CD163L1: variants seen among roughly 807,000 people sequenced by gnomAD.
CD163L1 encodes scavenger receptor cysteine-rich type 1 protein M160.
Under a neutral mutation model 165.4 loss-of-function variants are expected in CD163L1, and 124 were observed. The observed-to-expected ratio is 0.75, with a 90% CI of 0.65 to 0.87. The LOEUF is 0.87. Ranked by LOEUF, CD163L1 falls within the 40% of genes least tolerant of loss-of-function variation. The pLI is 0.00. For missense variants in CD163L1, 1,525 were observed against 1,799.9 expected (o/e 0.85, Z 2.76); for synonymous variants, 585 against 662.2 (o/e 0.88, Z 1.79).
At chr12:7,416,112 A>G (rs997326597) in intron 4 of CD163L1, among the ~76,000 whole-genome samples, 5 of 152,180 alleles carry the variant, frequency 3.3e-5, no homozygotes, top group Admixed American at 1.3e-4. Flanking sequence ...TTTAATGATC[A>G]ACATTCTAAC....
intron 14 of CD163L1, among the ~76,000 whole-genome samples, chr12:7,370,452 T>C (rs1476927800): frequency 6.6e-6 from 1 of 152,192 alleles, no homozygotes; most frequent in African/African-American, 2.4e-5. Context: ...ACCAACCACA[T>C]GAAGACCAAA....
chr12:7,342,001 A>G (rs1468364163), downstream of CD163L1, among the ~76,000 whole-genome samples: 4 of 152,240 alleles, frequency 2.6e-5, no homozygotes, highest in Admixed American at 2.6e-4. Context: ...ATCTCACACT[A>G]TATGACTCAG....
chr12:7,394,090 C>CA (rs911766424), intron 8 of CD163L1, among the ~76,000 whole-genome samples: 47 of 133,168 alleles, frequency 3.5e-4, no homozygotes, highest in Middle Eastern at 3.6e-3. Flanking sequence ...CGTATGGAAC[C>CA]AAAAAAAAAC....
At chr12:7,337,807 C>T in the CD163L1 span, among the ~76,000 whole-genome samples, 1 of 152,108 alleles carries the variant, frequency 6.6e-6, no homozygotes, top group African/African-American at 2.4e-5. Flanking sequence ...TCCAGCAATC[C>T]CATTATTGGG....
intron 18 of CD163L1, 63 bp from the exon 19 acceptor site, chr12:7,357,549 T>A: frequency 7.2e-7 from 1 of 1,379,898 alleles, no homozygotes; most frequent in Non-Finnish European, 1.0e-6. Flanking sequence ...AGGGAAGAGC[T>A]GTTAAGTGCA....
At chr12:7,322,556 C>A in the CD163L1 span, 6 of 1,607,846 alleles carry the variant, frequency 3.7e-6, no homozygotes, top group East Asian at 1.3e-4. Context: ...ATCTAAAGGG[C>A]ATTTATGTTT....
chr12:7,388,917 G>A (rs1270391745), intron 8 of CD163L1, among the ~76,000 whole-genome samples: 2 of 152,164 alleles, frequency 1.3e-5, no homozygotes, highest in African/African-American at 4.8e-5. Flanking sequence ...ATACCTCCAT[G>A]TTGTTGCAAA....
At chr12:7,322,927 G>A in the CD163L1 span, among the ~76,000 whole-genome samples, 2 of 152,070 alleles carry the variant, frequency 1.3e-5, no homozygotes, top group Non-Finnish European at 2.9e-5. Flanking sequence ...CTCAAACCAA[G>A]CAACATCAAC....
chr12:7,333,081 G>A, the CD163L1 span, among the ~76,000 whole-genome samples: 6 of 151,506 alleles, frequency 4.0e-5, no homozygotes, highest in Non-Finnish European at 8.9e-5. Context: ...CATCTCACCT[G>A]TTAACAGAAA....
chr12:7,370,951 G>A (rs947116102), intron 14 of CD163L1, among the ~76,000 whole-genome samples: 1 of 152,146 alleles, frequency 6.6e-6, no homozygotes, highest in African/African-American at 2.4e-5. Context: ...ATTCCCACGT[G>A]TTGTGGGGGG....
At chr12:7,331,504 C>A in the CD163L1 span, among the ~76,000 whole-genome samples, 1 of 152,186 alleles carries the variant, frequency 6.6e-6, no homozygotes, top group Non-Finnish European at 1.5e-5. Flanking sequence ...GTCCCTGACC[C>A]CTGAGTAGCC....
chr12:7,354,210 T>G (rs780415382), downstream of CD163L1, among the ~76,000 whole-genome samples: 2 of 152,090 alleles, frequency 1.3e-5, no homozygotes, highest in Admixed American at 6.6e-5. Flanking sequence ...TTCTTTTTTT[T>G]GTTTGTTTTA....
chr12:7,319,647 C>T, the CD163L1 span, among the ~76,000 whole-genome samples: 3 of 151,730 alleles, frequency 2.0e-5, no homozygotes, highest in African/African-American at 7.3e-5. Flanking sequence ...TGCCCCGCCA[C>T]TCACCTCCTG....
chr12:7,357,347 T>C (rs781381541), intron 19 of CD163L1, 33 bp downstream of exon 19: 2 of 1,376,608 alleles, frequency 1.5e-6, no homozygotes, highest in South Asian at 1.2e-5. Context: ...ATTAAATTAC[T>C]AGTTTTAGTA....
At chr12:7,413,684 G>A (rs1948182163) in intron 4 of CD163L1, among the ~76,000 whole-genome samples, 1 of 152,234 alleles carries the variant, frequency 6.6e-6, no homozygotes, top group South Asian at 2.1e-4. Context: ...GCACATGCAA[G>A]ATCCTCAGAC....
Position 7,399,155 on chromosome 12 carries a change from CCTT to C in CD163L1, c.1409-574_1409-572del, listed in dbSNP as rs1402791339. 3.3e-5 allele frequency among the ~76,000 whole-genome samples: 5 copies of C among 151,572 alleles called. 1 individual carries two copies. Among genetic ancestry groups the C allele is most frequent in the Non-Finnish European group, 7.4e-5 (5 of 67,870 alleles). On this transcript the variant is annotated intron_variant, in intron 6 of 19. Coordinates refer to ENST00000313599, the MANE Select transcript of CD163L1 (RefSeq NM_174941.6). ...TATTTCCTTCCTTTCTTCCTTCCTT[CCTT>C]CTTTCCTTCCTTCCGCCCTCCCTCT...
At chr12:7,437,157 T>C (rs965269279) in intron 2 of CD163L1, among the ~76,000 whole-genome samples, 3 of 69,384 alleles carry the variant, frequency 4.3e-5, no homozygotes, top group African/African-American at 3.4e-4. Context: ...TATTATACTT[T>C]TATTTTTATT....
downstream of CD163L1, among the ~76,000 whole-genome samples, chr12:7,344,032 C>G (rs1369225532): frequency 6.6e-6 from 1 of 151,962 alleles, no homozygotes; most frequent in Non-Finnish European, 1.5e-5. Context: ...AAAGGAGCAA[C>G]AGGCCCCTAG....
the CD163L1 span, chr12:7,327,180 A>ATAG: frequency 2.1e-6 from 3 of 1,412,112 alleles, no homozygotes; most frequent in Non-Finnish European, 2.8e-6. Context: ...TTTTGATTTT[A>ATAG]TAGTAGCTCA....
Sources: gnomAD v4.1 joint callset for allele counts (sites outside exome capture counted in the v4.1 genomes callset) on GRCh38, gnomAD v4.1.1 for gene constraint, MANE v1.5 for transcripts, NCBI Gene and HGNC (gene_info 2026-07-23, HGNC 2026-07-21) for gene names.